The following CALCRL variants were observed in gnomAD, a reference collection of about 807,000 sequenced individuals.
CALCRL encodes calcitonin receptor like receptor.
In CALCRL, 27 loss-of-function variants were observed where a neutral mutation model predicts 60.4. The observed-to-expected ratio is 0.45, with a 90% CI of 0.33 to 0.62. The LOEUF is 0.62. Ranked by LOEUF, CALCRL falls within the 20% of genes least tolerant of loss-of-function variation. CALCRL has a pLI of 0.03. For synonymous variants in CALCRL, 190 were observed against 182.6 expected, an observed-to-expected ratio of 1.04 and a Z score of -0.33; for missense variants, 424 against 540.7, an observed-to-expected ratio of 0.78 and a Z score of 2.14.
At chr2:187,409,729 A>G (rs1689275526) in intron 1 of CALCRL, among the ~76,000 whole-genome samples, 2 of 152,234 alleles carry the variant, frequency 1.3e-5, no homozygotes, top group South Asian at 2.1e-4. Context: ...CTATGAAGGA[A>G]GAAGATGACC....
intron 9 of CALCRL, among the ~76,000 whole-genome samples, chr2:187,361,664 T>C (rs539240967): frequency 3.3e-5 from 5 of 151,952 alleles, no homozygotes; most frequent in African/African-American, 1.2e-4. Flanking sequence ...CTTTTACATA[T>C]ATTGTTTTAT....
chr2:187,361,963 G>A (rs1286446993), intron 9 of CALCRL, among the ~76,000 whole-genome samples: 1 of 151,804 alleles, frequency 6.6e-6, no homozygotes, highest in Non-Finnish European at 1.5e-5. Context: ...TCACTCAAAG[G>A]TGAAAATGAG....
chr2:187,437,225 A>C (rs1690681409), intron 1 of CALCRL, among the ~76,000 whole-genome samples: 1 of 152,184 alleles, frequency 6.6e-6, no homozygotes, highest in African/African-American at 2.4e-5. Flanking sequence ...TGTTAAATTC[A>C]ATTTTAAAAA....
intron 12 of CALCRL, among the ~76,000 whole-genome samples, chr2:187,352,627 G>A (rs972829288): frequency 5.9e-5 from 9 of 151,502 alleles, no homozygotes; most frequent in African/African-American, 1.9e-4. Context: ...TCATTTTCAC[G>A]TGCAATTAAA....
chr2:187,417,566 C>T (rs147482372), intron 1 of CALCRL, among the ~76,000 whole-genome samples: 1 of 151,878 alleles, frequency 6.6e-6, no homozygotes, highest in African/African-American at 2.4e-5. Flanking sequence ...TTTTAACATG[C>T]CTTTGACCTG....
intron 8 of CALCRL, among the ~76,000 whole-genome samples, chr2:187,375,911 T>C (rs751661990): frequency 2.0e-5 from 3 of 152,200 alleles, no homozygotes; most frequent in Admixed American, 1.3e-4. Flanking sequence ...TAAATACAGA[T>C]ATAAAAATAT....
chr2:187,352,439 A>G, intron 12 of CALCRL, 107 bp from the exon 13 acceptor site: 2 of 677,002 alleles, frequency 3.0e-6, no homozygotes, highest in Non-Finnish European at 5.1e-6. Context: ...TTTAATGTAC[A>G]AGAATATTTT....
rs199606948 is a variant in CALCRL at position 187,383,320 on chromosome 2, AAAC to A, written c.52-18_52-16del. ...GTAACAAGAATCTAAGGGATTAAAA[AAAC>A]AACAACATCAACTTCATGAAAAGGA... On this transcript the variant is annotated splice_polypyrimidine_tract_variant and intron_variant, in intron 4 of 14. Transcript: ENST00000392370. The A allele has an allele frequency of 1.4e-3, 2,160 of 1,579,578 alleles. 25 individuals carry two copies. The African/African-American group carries it at 0.024, about 17-fold the overall frequency.
At chr2:187,433,592 A>C (rs1690495485) in intron 1 of CALCRL, among the ~76,000 whole-genome samples, 1 of 152,092 alleles carries the variant, frequency 6.6e-6, no homozygotes, top group Non-Finnish European at 1.5e-5. Flanking sequence ...CTCAAAAGAA[A>C]GAGCTAATTT....
intron 1 of CALCRL, among the ~76,000 whole-genome samples, chr2:187,398,409 C>T (rs1312529367): frequency 1.3e-5 from 2 of 151,594 alleles, no homozygotes; most frequent in East Asian, 1.9e-4. Flanking sequence ...ATTCTTGTTA[C>T]ATTGAGCTTT....
intron 1 of CALCRL, among the ~76,000 whole-genome samples, chr2:187,407,097 GT>G (rs1689170803): frequency 6.6e-6 from 1 of 152,030 alleles, no homozygotes; most frequent in Admixed American, 6.6e-5. Flanking sequence ...AGTTACGTCT[GT>G]TTTTGTTTTG....
intron 1 of CALCRL, among the ~76,000 whole-genome samples, chr2:187,446,065 G>T (rs1691166297): frequency 6.6e-6 from 1 of 151,402 alleles, no homozygotes; most frequent in Non-Finnish European, 1.5e-5. Flanking sequence ...ATCTCTTTAA[G>T]AAATAGAATA....
At chr2:187,439,084 A>G (rs916352464) in intron 1 of CALCRL, among the ~76,000 whole-genome samples, 1 of 152,162 alleles carries the variant, frequency 6.6e-6, no homozygotes, top group African/African-American at 2.4e-5. Context: ...GGGGCACCTA[A>G]TATACAGGCA....
At chr2:187,395,933 G>T (rs1280080107) in intron 1 of CALCRL, among the ~76,000 whole-genome samples, 1 of 151,290 alleles carries the variant, frequency 6.6e-6, no homozygotes, top group Non-Finnish European at 1.5e-5. Context: ...TATATGAAAA[G>T]AAAAAAATGA....
Position 187,343,114 on chromosome 2 carries a change from A to G in CALCRL, c.*3070T>C, listed in dbSNP as rs927127237. ...ATTTTTTTAGTTTGAAAAACAAATC[A>G]TGACTTTTTCTTAATTGGTTTATTG... On this transcript the variant is annotated 3_prime_UTR_variant, in exon 15 of 15. Coordinates refer to ENST00000392370, the MANE Select transcript of CALCRL (RefSeq NM_005795.6). The G allele has an allele frequency of 4.0e-5, 6 of 151,452 alleles. No individual in the cohort carries two copies. The highest frequency in any genetic ancestry group is 6.6e-5 in the Admixed American group (1 of 15,160). 9.4% of individuals were successfully genotyped at this position (151,452 alleles called of 1,614,324 possible).
intron 14 of CALCRL, among the ~76,000 whole-genome samples, chr2:187,346,602 C>A (rs76176669): frequency 0.013 from 1,938 of 151,886 alleles, 43 homozygotes; most frequent in African/African-American, 0.043. Context: ...ATTACAATTA[C>A]ATTGTACTTT....
intron 8 of CALCRL, among the ~76,000 whole-genome samples, chr2:187,377,842 AAAAT>A (rs1173937750): frequency 6.6e-6 from 1 of 152,098 alleles, no homozygotes; most frequent in Admixed American, 6.6e-5. Flanking sequence ...TGCTGTTATA[AAAAT>A]AGTTAAAATA....
intron 1 of CALCRL, among the ~76,000 whole-genome samples, chr2:187,413,913 G>T (rs1452498124): frequency 1.3e-5 from 2 of 152,060 alleles, no homozygotes; most frequent in Non-Finnish European, 2.9e-5. Flanking sequence ...CTTTCTCTGT[G>T]TCTATGTAAC....
At chr2:187,390,673 T>G (rs1688398558) in intron 1 of CALCRL, among the ~76,000 whole-genome samples, 1 of 152,126 alleles carries the variant, frequency 6.6e-6, no homozygotes, top group African/African-American at 2.4e-5. Flanking sequence ...TTAATGCAAA[T>G]AATTCCACTT....
Sources: gnomAD v4.1 joint callset for allele counts (sites outside exome capture counted in the v4.1 genomes callset) on GRCh38, gnomAD v4.1.1 for gene constraint, MANE v1.5 for transcripts, NCBI Gene and HGNC (gene_info 2026-07-23, HGNC 2026-07-21) for gene names.